Variants in CPNE4 observed in about 807,000 individuals in gnomAD.
The protein encoded by CPNE4 is copine 4, also known as copine-4.
In CPNE4, 25 loss-of-function variants were observed where a neutral mutation model predicts 67.9. The observed-to-expected ratio is 0.37, with a 90% CI of 0.27 to 0.51. CPNE4 has a LOEUF of 0.51. Among genes scored for constraint, CPNE4 ranks in the 20% least tolerant of loss-of-function variants. CPNE4 has a pLI of 0.93. For synonymous variants in CPNE4, 242 were observed against 244.9 expected (o/e 0.99, Z 0.11); for missense variants, 464 against 690.8 (o/e 0.67, Z 3.68).
At chr3:131,894,381 C>G (rs760148487) in intron 2 of CPNE4, among the ~76,000 whole-genome samples, 2 of 151,652 alleles carry the variant, frequency 1.3e-5, no homozygotes, top group African/African-American at 4.8e-5. Context: ...TGGGATTACA[C>G]CAAACTAAAA....
intron 6 of CPNE4, among the ~76,000 whole-genome samples, chr3:131,673,223 G>A (rs2080469959): frequency 6.6e-6 from 1 of 151,772 alleles, no homozygotes. Context: ...CCAGTACCGT[G>A]CTGTTTACTG....
At chr3:131,862,498 C>T (rs549573625) in intron 2 of CPNE4, among the ~76,000 whole-genome samples, 5 of 152,208 alleles carry the variant, frequency 3.3e-5, no homozygotes, top group African/African-American at 4.8e-5. Context: ...TAATCTACCT[C>T]TTACATGGCC....
chr3:131,568,117 C>T (rs1432474102), intron 10 of CPNE4, among the ~76,000 whole-genome samples: 1 of 151,788 alleles, frequency 6.6e-6, no homozygotes, highest in African/African-American at 2.4e-5. Flanking sequence ...TTTTATAGTT[C>T]TCATGGTTTA....
At chr3:131,788,736 T>G (rs1272253573) in intron 2 of CPNE4, among the ~76,000 whole-genome samples, 1 of 152,074 alleles carries the variant, frequency 6.6e-6, no homozygotes, top group African/African-American at 2.4e-5. Context: ...GTGCAGCGAT[T>G]AAAAATCACA....
intron 2 of CPNE4, among the ~76,000 whole-genome samples, chr3:131,898,888 A>G (rs1387121984): frequency 2.6e-5 from 4 of 152,076 alleles, no homozygotes; most frequent in Admixed American, 6.6e-5. Context: ...AGGGGGAGGT[A>G]TAAAGCAACA....
rs112338893 is a variant in CPNE4 at position 131,615,927 on chromosome 3, A to G, written c.682-28345T>C. On this transcript the variant is annotated intron_variant, in intron 7 of 15. Transcript: ENST00000429747. ...CACACACACACACACACACACACAC[A>G]CGCACACACACACACACACACACAA... is the stretch of plus-strand genomic sequence containing the variant. 6.9e-3 allele frequency among the ~76,000 whole-genome samples: 581 copies of G among 83,848 alleles called. 4 individuals are homozygous for G. The highest frequency in any genetic ancestry group is 0.046 in the African/African-American group (409 of 8,884). The allele number at this position is 83,848 out of a possible 152,430, so 55.0% of individuals were successfully genotyped here.
intron 1 of CPNE4, among the ~76,000 whole-genome samples, chr3:131,987,338 A>G (rs1289097015): frequency 3.3e-5 from 5 of 151,908 alleles, no homozygotes; most frequent in Non-Finnish European, 4.4e-5. Context: ...AATTGACACA[A>G]TAAGTAGTAC....
intron 2 of CPNE4, among the ~76,000 whole-genome samples, chr3:131,863,766 A>C (rs1354037170): frequency 6.6e-6 from 1 of 152,242 alleles, no homozygotes; most frequent in Non-Finnish European, 1.5e-5. Context: ...TGTTTTAGAC[A>C]TGAAGTCCTT....
At chr3:131,582,701 C>T (rs1405688175) in intron 8 of CPNE4, among the ~76,000 whole-genome samples, 2 of 152,242 alleles carry the variant, frequency 1.3e-5, no homozygotes, top group East Asian at 1.9e-4. Flanking sequence ...GCTTGAAAAG[C>T]GCCTGTGTAT....
intron 2 of CPNE4, among the ~76,000 whole-genome samples, chr3:131,767,021 A>G (rs560374399): frequency 1.1e-3 from 172 of 152,312 alleles, no homozygotes; most frequent in African/African-American, 3.8e-3. Flanking sequence ...TTTGTTGTTG[A>G]AGCAGGGTTT....
chr3:131,640,269 C>T (rs1310076936), intron 7 of CPNE4, among the ~76,000 whole-genome samples: 1 of 152,114 alleles, frequency 6.6e-6, no homozygotes, highest in Non-Finnish European at 1.5e-5. Context: ...CCTATAGATG[C>T]ATCCAAAAAG....
At chr3:131,946,378 A>G (rs1226085492) in intron 1 of CPNE4, among the ~76,000 whole-genome samples, 1 of 152,220 alleles carries the variant, frequency 6.6e-6, no homozygotes, top group African/African-American at 2.4e-5. Flanking sequence ...GACTAAATAT[A>G]TAATATTCCA....
intron 2 of CPNE4, among the ~76,000 whole-genome samples, chr3:131,803,589 G>C (rs1232328823): frequency 6.6e-6 from 1 of 152,176 alleles, no homozygotes; most frequent in Non-Finnish European, 1.5e-5. Flanking sequence ...CTGTTCAAAA[G>C]ATATTTTAAA....
At chr3:131,616,446 T>A (rs1238943868) in intron 7 of CPNE4, among the ~76,000 whole-genome samples, 6 of 152,188 alleles carry the variant, frequency 3.9e-5, no homozygotes, top group Non-Finnish European at 5.9e-5. Flanking sequence ...TGTGGCCAGA[T>A]TTCCTGTCTT....
At chr3:131,632,588 CCTT>C (rs1256019207) in intron 7 of CPNE4, among the ~76,000 whole-genome samples, 10 of 152,142 alleles carry the variant, frequency 6.6e-5, no homozygotes, top group African/African-American at 2.2e-4. Context: ...AATTCCTCCT[CCTT>C]AATATACTAT....
chr3:131,787,223 G>A (rs1165992768), intron 2 of CPNE4, among the ~76,000 whole-genome samples: 2 of 152,182 alleles, frequency 1.3e-5, no homozygotes, highest in Non-Finnish European at 2.9e-5. Context: ...TGGGGAGGGA[G>A]ATGCTGGATG....
At chr3:131,958,847 A>G (rs1373624092) in intron 1 of CPNE4, among the ~76,000 whole-genome samples, 1 of 151,230 alleles carries the variant, frequency 6.6e-6, no homozygotes, top group Non-Finnish European at 1.5e-5. Flanking sequence ...TTTAGTAGAG[A>G]TGGGGTTTCA....
chr3:131,644,563 T>C (rs943360241), intron 7 of CPNE4, among the ~76,000 whole-genome samples: 2 of 152,216 alleles, frequency 1.3e-5, no homozygotes, highest in Non-Finnish European at 2.9e-5. Flanking sequence ...GCTTAGTCCA[T>C]TTTCCATGTC....
intron 3 of CPNE4, among the ~76,000 whole-genome samples, chr3:131,701,534 C>T (rs1369936080): frequency 1.3e-5 from 2 of 152,208 alleles, no homozygotes; most frequent in Admixed American, 1.3e-4. Context: ...CACTATCTCT[C>T]ATTCTTTCTC....
Sources: gnomAD v4.1 joint callset for allele counts (sites outside exome capture counted in the v4.1 genomes callset) on GRCh38, gnomAD v4.1.1 for gene constraint, MANE v1.5 for transcripts, NCBI Gene and HGNC (gene_info 2026-07-23, HGNC 2026-07-21) for gene names.